FOLR2: variants seen among roughly 807,000 people sequenced by gnomAD.
The protein encoded by FOLR2 is folate receptor beta, also known as folate receptor 2 (fetal).
A neutral mutation model predicts 20.4 loss-of-function variants in FOLR2; 14 were observed. That is an observed-to-expected ratio of 0.68 (90% CI 0.45 to 1.07). The LOEUF is 1.07. Among genes scored for constraint, FOLR2 ranks in the 50% least tolerant of loss-of-function variants. FOLR2 has a pLI of 0.00. For missense variants in FOLR2, 269 were observed against 322.6 expected, an observed-to-expected ratio of 0.83 and a Z score of 1.27; for synonymous variants, 114 against 114.3, an observed-to-expected ratio of 1.00 and a Z score of 0.02.
chr11:72,217,025 T>C (rs1228664428), intron 1 of FOLR2, 100 bp downstream of exon 1: 179 of 1,281,888 alleles, frequency 1.4e-4, no homozygotes, highest in Non-Finnish European at 7.7e-6. Context: ...TATTGTATTG[T>C]ATTGTATTGT....
intron 2 of FOLR2, among the ~76,000 whole-genome samples, chr11:72,219,699 A>G (rs909334799): frequency 6.6e-6 from 1 of 152,228 alleles, no homozygotes; most frequent in Non-Finnish European, 1.5e-5. Flanking sequence ...AAAATAGTGA[A>G]TAATTCTAGT....
intron 1 of FOLR2, 104 bp downstream of exon 1, chr11:72,217,029 G>A: frequency 1.5e-6 from 2 of 1,292,198 alleles, no homozygotes; most frequent in Admixed American, 1.9e-5. Context: ...GTATTGTATT[G>A]TATTGTATTT....
intron 1 of FOLR2, among the ~76,000 whole-genome samples, chr11:72,217,806 G>GTA (rs1200332267): frequency 6.6e-6 from 1 of 152,104 alleles, no homozygotes; most frequent in African/African-American, 2.4e-5. Flanking sequence ...ACTGTACTCA[G>GTA]TATATAGTCT....
At chr11:72,219,799 G>A (rs1948453011) in intron 2 of FOLR2, among the ~76,000 whole-genome samples, 2 of 151,566 alleles carry the variant, frequency 1.3e-5, no homozygotes, top group Non-Finnish European at 1.5e-5. Context: ...AAAACATGAT[G>A]TGCCTATATG....
At chr11:72,221,117 G>A in intron 3 of FOLR2, 59 bp downstream of exon 3, 1 of 1,300,952 alleles carries the variant, frequency 7.7e-7, no homozygotes, top group Non-Finnish European at 1.0e-6. Flanking sequence ...GTCACTTCAA[G>A]GCGATGGCTG....
rs763167166 is a variant in FOLR2 at position 72,220,944 on chromosome 11, G to A, written c.225G>A (p.Leu75=). Residue 75 remains leucine, a synonymous_variant, in exon 3 of 5, where the codon CTG becomes CTA. Transcript: ENST00000298223. The part of the protein sequence containing the change: ...SQELHKDTSR[L]YNFNWDHCGK... ...AGCTGCACAAGGACACCTCCCGCCT[G>A]TACAACTTTAACTGGGACCACTGCG... 1 of 1,614,008 alleles carries A rather than the reference G, an allele frequency of 6.2e-7. No individual in the cohort carries two copies. The highest frequency in any genetic ancestry group is 8.5e-7 in the Non-Finnish European group (1 of 1,179,892).
chr11:72,221,068 C>CTA lies in FOLR2; in HGVS notation c.339+11_339+12insAT. 4.5e-6 allele frequency: 7 copies of CTA among 1,559,148 alleles called. No homozygotes were observed. Among genetic ancestry groups the CTA allele is most frequent in the Non-Finnish European group, 5.2e-6 (6 of 1,151,256 alleles). On this transcript the variant is annotated intron_variant, in intron 3 of 4. Coordinates refer to ENST00000298223, the MANE Select transcript of FOLR2 (RefSeq NM_000803.5). ...GCCCTGGATCCAGCAGGTAGGGTGT[C>CTA]TCCCCCCCACCCACCCCAGCAGACT...
At chr11:72,220,771 C>T in intron 2 of FOLR2, 99 bp from the exon 3 acceptor site, 1 of 1,487,946 alleles carries the variant, frequency 6.7e-7, no homozygotes, top group Non-Finnish European at 9.2e-7. Context: ...GGACAACCTG[C>T]CTAGGGCAGA....
chr11:72,221,067 T>TCGGGGGGGGGGGGGGCCCCCCCC lies in FOLR2; in HGVS notation c.339+10_339+11insGGGGGGGGGGGGGGCCCCCCCCC. On this transcript the variant is annotated intron_variant, in intron 3 of 4. Coordinates refer to ENST00000298223, the MANE Select transcript of FOLR2 (RefSeq NM_000803.5). ...GGCCCTGGATCCAGCAGGTAGGGTG[T>TCGGGGGGGGGGGGGGCCCCCCCC]CTCCCCCCCACCCACCCCAGCAGAC... is the stretch of plus-strand genomic sequence containing the variant. 8 of 1,569,986 alleles carry TCGGGGGGGGGGGGGGCCCCCCCC rather than the reference T, an allele frequency of 5.1e-6. No individual in the cohort carries two copies. Among genetic ancestry groups the TCGGGGGGGGGGGGGGCCCCCCCC allele is most frequent in the Non-Finnish European group, 6.9e-6 (8 of 1,154,796 alleles).
chr11:72,221,432 G>A (rs200456012), intron 4 of FOLR2, 38 bp from the exon 5 acceptor site: 3 of 1,602,374 alleles, frequency 1.9e-6, no homozygotes, highest in Non-Finnish European at 2.6e-6. Flanking sequence ...TTGGGCCCAG[G>A]GGCTGAAAGT....
intron 1 of FOLR2, chr11:72,217,219 T>C: frequency 2.0e-6 from 1 of 510,230 alleles, no homozygotes; most frequent in South Asian, 1.8e-5. Context: ...GAGACGGGGT[T>C]TCATCATGTT....
Position 72,220,552 on chromosome 11 carries a change from G to A in FOLR2, c.151-318G>A, listed in dbSNP as rs1223245589. 2.6e-5 allele frequency among the ~76,000 whole-genome samples: 4 copies of A among 152,276 alleles called. No individual in the cohort carries two copies. In the East Asian group the frequency reaches 5.8e-4, roughly 22 times the overall value. On this transcript the variant is annotated intron_variant, in intron 2 of 4. Coordinates refer to ENST00000298223, the MANE Select transcript of FOLR2 (RefSeq NM_000803.5). ...TATAACCGTGACTGGCATAAAGTAG[G>A]TGCTCAATAATTTTTAAATGAGTAA... is the stretch of plus-strand genomic sequence containing the variant.
At chr11:72,218,205 T>A (rs1948423921) in intron 1 of FOLR2, among the ~76,000 whole-genome samples, 1 of 152,098 alleles carries the variant, frequency 6.6e-6, no homozygotes, top group Non-Finnish European at 1.5e-5. Context: ...GTGAAGACAT[T>A]ATGTGTCCCT....
Position 72,221,562 on chromosome 11 carries a change from T to A in FOLR2, c.568T>A (p.Ser190Thr), listed in dbSNP as rs759064321. The A allele has an allele frequency of 2.5e-6, 4 of 1,613,972 alleles. No homozygotes were observed. In the Admixed American group the frequency reaches 6.7e-5, roughly 27 times the overall value. ...AALCEGLWSH[S>T]YKVSNYSRGS... ...CCTTTGTGAAGGCCTCTGGAGTCACTCATACAAGGTCAGCAACTACAGCCG... is the reference window on the plus strand; with the variant it reads ...CCTTTGTGAAGGCCTCTGGAGTCACACATACAAGGTCAGCAACTACAGCCG... Residue 190 changes from serine to threonine, a missense_variant, in exon 5 of 5, where the codon TCA (serine) becomes ACA (threonine). By Grantham distance (58) the Ser-to-Thr change is moderately conservative. Coordinates refer to ENST00000298223, the MANE Select transcript of FOLR2 (RefSeq NM_000803.5).
At chr11:72,217,181 C>T (rs564578643) in intron 1 of FOLR2, among the ~76,000 whole-genome samples, 2 of 152,194 alleles carry the variant, frequency 1.3e-5, no homozygotes, top group South Asian at 2.1e-4. Context: ...CCCACCACCT[C>T]GCCTGGCTAA....
rs1948428274 is a variant in FOLR2 at position 72,218,435 on chromosome 11, C to T, written c.-24-126C>T. 3.8e-6 allele frequency: 3 copies of T among 779,812 alleles called. No homozygotes were observed. The South Asian group carries it at 5.3e-5, about 14-fold the overall frequency. 48.3% of individuals were successfully genotyped at this position (779,812 alleles called of 1,614,324 possible). On this transcript the variant is annotated intron_variant, in intron 1 of 4. Coordinates refer to ENST00000298223, the MANE Select transcript of FOLR2 (RefSeq NM_000803.5). ...ACCCTAGCCTCAGGGAGCTTCAGGG[C>T]CCCAGCATTGAAGGAACAGGGTCTG...
intron 2 of FOLR2, among the ~76,000 whole-genome samples, chr11:72,220,351 C>T (rs1265544826): frequency 2.0e-5 from 3 of 152,198 alleles, no homozygotes. Context: ...TTCAGCAATT[C>T]CACATTACCA....
At position 72,221,226 on chromosome 11, in the gene FOLR2, A is replaced by G; in HGVS notation, c.390A>G (p.Lys130=). ...KERFLDVPLC[K]EDCQRWWEDC... ...GCTTCCTGGATGTGCCCTTATGCAA[A>G]GAGGACTGTCAGCGCTGGTGGGAGG... Residue 130 remains lysine (K), a synonymous_variant, in exon 4 of 5, where the codon AAA becomes AAG. Coordinates refer to ENST00000298223, the MANE Select transcript of FOLR2 (RefSeq NM_000803.5). 1 of 1,613,738 alleles carries G rather than the reference A, an allele frequency of 6.2e-7. No individual in the cohort carries two copies. Among genetic ancestry groups the G allele is most frequent in the Non-Finnish European group, 8.5e-7 (1 of 1,179,796 alleles).
rs776404221 is a variant in FOLR2, at chr11:72,221,019, C to T, written c.300C>T (p.Leu100=). 3.1e-6 allele frequency: 5 copies of T among 1,613,754 alleles called. No homozygotes were observed. In the East Asian group the frequency reaches 8.9e-5, roughly 29 times the overall value. The change falls in exon 3 of 5, where the codon CTC becomes CTT. Residue 100 remains leucine, a synonymous_variant. Transcript: ENST00000298223. ...GCCACTTCATCCAGGACACCTGTCT[C>T]TATGAGTGCTCACCCAACCTGGGGC... is the stretch of plus-strand genomic sequence containing the variant. ...CKRHFIQDTC[L]YECSPNLGPW... is the part of the protein sequence containing the mutation.
Sources: gnomAD v4.1 joint callset for allele counts (sites outside exome capture counted in the v4.1 genomes callset) on GRCh38, gnomAD v4.1.1 for gene constraint, MANE v1.5 for transcripts, NCBI Gene and HGNC (gene_info 2026-07-23, HGNC 2026-07-21) for gene names.